Variants in DENND1A observed in about 807,000 individuals in gnomAD.
DENND1A encodes DENN domain containing 1A.
In DENND1A, 51 loss-of-function variants were observed where a neutral mutation model predicts 113.7. The ratio of observed to expected loss-of-function variants is 0.45; its 90% CI spans 0.36 to 0.57. DENND1A has a LOEUF of 0.57. Among genes scored for constraint, DENND1A ranks in the 20% least tolerant of loss-of-function variants. The probability of loss-of-function intolerance (pLI) is 0.00; values close to 1 mark genes in which losing one functional copy is unlikely to be tolerated. For synonymous variants in DENND1A, 565 were observed against 570.8 expected, an observed-to-expected ratio of 0.99 and a Z score of 0.14; for missense variants, 1,258 against 1,395.9, an observed-to-expected ratio of 0.90 and a Z score of 1.57.
intron 5 of DENND1A, among the ~76,000 whole-genome samples, chr9:123,721,689 A>G (rs2067352441): frequency 6.6e-6 from 1 of 152,190 alleles, no homozygotes. Context: ...TAATGGCTAT[A>G]AAAATGGGAG....
At chr9:123,483,918 T>G (rs371880148) in intron 13 of DENND1A, among the ~76,000 whole-genome samples, 4 of 152,210 alleles carry the variant, frequency 2.6e-5, no homozygotes, top group African/African-American at 7.2e-5. Flanking sequence ...TTAGTTTTTT[T>G]TGTGTTTTTT....
At chr9:123,633,330 C>T (rs59398032) in intron 9 of DENND1A, among the ~76,000 whole-genome samples, 7,672 of 152,264 alleles carry the variant, frequency 0.05, 241 homozygotes, top group South Asian at 0.082. Flanking sequence ...AACACACACA[C>T]GTGCACTAGT....
chr9:123,473,635 T>A (rs1386785530), intron 13 of DENND1A, among the ~76,000 whole-genome samples: 3 of 152,200 alleles, frequency 2.0e-5, no homozygotes, highest in African/African-American at 7.2e-5. Flanking sequence ...CACCCGTTCC[T>A]CTTGTGTAGG....
At chr9:123,631,593 A>C (rs2061477906) in intron 9 of DENND1A, among the ~76,000 whole-genome samples, 1 of 152,112 alleles carries the variant, frequency 6.6e-6, no homozygotes, top group Non-Finnish European at 1.5e-5. Flanking sequence ...AGTCCTCCAA[A>C]TTTTCCCCTA....
At chr9:123,745,320 C>A (rs576281909) in intron 5 of DENND1A, among the ~76,000 whole-genome samples, 1 of 152,140 alleles carries the variant, frequency 6.6e-6, no homozygotes, top group Non-Finnish European at 1.5e-5. Flanking sequence ...CCTCTGCAAA[C>A]GATGAGACCA....
At chr9:123,792,140 T>A (rs1564279445) in intron 3 of DENND1A, among the ~76,000 whole-genome samples, 1 of 152,206 alleles carries the variant, frequency 6.6e-6, no homozygotes, top group East Asian at 1.9e-4. Flanking sequence ...ACGTGCATCT[T>A]CTCCTTCCAA....
chr9:123,588,435 A>G (rs914945521), intron 11 of DENND1A, among the ~76,000 whole-genome samples: 51 of 151,642 alleles, frequency 3.4e-4, no homozygotes, highest in African/African-American at 1.1e-3. Flanking sequence ...CCTGGACAAC[A>G]TGGCGAAACC....
chr9:123,915,056 C>T (rs547772772), intron 1 of DENND1A, among the ~76,000 whole-genome samples: 44 of 152,134 alleles, frequency 2.9e-4, no homozygotes, highest in Non-Finnish European at 6.2e-4. Context: ...TAGAGGTTTC[C>T]ATCCTGCCAA....
At chr9:123,484,272 T>G (rs781246174) in intron 13 of DENND1A, among the ~76,000 whole-genome samples, 3 of 152,186 alleles carry the variant, frequency 2.0e-5, no homozygotes, top group Non-Finnish European at 2.9e-5. Context: ...ATCGCACCTC[T>G]AACACTGAGC....
intron 10 of DENND1A, among the ~76,000 whole-genome samples, chr9:123,620,213 CAAAAAAAAAAA>C (rs34196587): frequency 5.1e-5 from 3 of 59,052 alleles, no homozygotes; most frequent in South Asian, 6.9e-4. Flanking sequence ...GACTCCATCT[CAAAAAAAAAAA>C]AAAAAAAAAA....
intron 5 of DENND1A, among the ~76,000 whole-genome samples, chr9:123,720,926 C>G (rs896772097): frequency 6.6e-6 from 1 of 152,210 alleles, no homozygotes; most frequent in Non-Finnish European, 1.5e-5. Context: ...ATCCCATGAT[C>G]ATTTAAAAAG....
At chr9:123,471,810 C>A (rs6478618) in intron 13 of DENND1A, among the ~76,000 whole-genome samples, 18,984 of 152,172 alleles carry the variant, frequency 0.12, 1,376 homozygotes, top group African/African-American at 0.2. Flanking sequence ...TGAGCACGCT[C>A]AGTTACCCAA....
At chr9:123,784,496 C>T (rs895451322) in intron 3 of DENND1A, among the ~76,000 whole-genome samples, 5 of 152,066 alleles carry the variant, frequency 3.3e-5, no homozygotes, top group Non-Finnish European at 1.5e-5. Context: ...AAGGAGCAAC[C>T]GGGACTGATT....
intron 18 of DENND1A, among the ~76,000 whole-genome samples, chr9:123,442,621 A>G (rs1399951844): frequency 6.6e-6 from 1 of 152,200 alleles, no homozygotes; most frequent in Non-Finnish European, 1.5e-5. Context: ...TGAAGCTGCA[A>G]GGTAATATGG....
chr9:123,620,533 T>C lies in DENND1A; in HGVS notation c.719+9843A>G, dbSNP rs544655142. Among the ~76,000 whole-genome samples, 107 of 152,290 alleles carry C rather than the reference T, an allele frequency of 7.0e-4. 2 individuals are homozygous for C. Among genetic ancestry groups the C allele is most frequent in the Non-Finnish European group, 2.6e-4 (18 of 68,026 alleles). ...CTTTAGTAGGACCAGAGTCTAGGAT[T>C]TGGACCCAAGACTTTGACTTCCAAA... On this transcript the variant is annotated intron_variant, in intron 10 of 23. Transcript: ENST00000394215.
chr9:123,399,867 C>A (rs1172869197), intron 21 of DENND1A, among the ~76,000 whole-genome samples: 1 of 152,222 alleles, frequency 6.6e-6, no homozygotes, highest in Non-Finnish European at 1.5e-5. Flanking sequence ...AACTGGGTGA[C>A]CTTGGGAAGA....
chr9:123,868,350 C>A (rs1193619574), intron 2 of DENND1A, among the ~76,000 whole-genome samples: 2 of 152,162 alleles, frequency 1.3e-5, no homozygotes, highest in East Asian at 1.9e-4. Context: ...TCAGTTATGT[C>A]AATTTGATAA....
intron 3 of DENND1A, among the ~76,000 whole-genome samples, chr9:123,772,819 G>A (rs910922103): frequency 6.6e-6 from 1 of 152,064 alleles, no homozygotes; most frequent in Admixed American, 6.6e-5. Flanking sequence ...CTGGCTTTAG[G>A]ACATTCGCCA....
intron 20 of DENND1A, among the ~76,000 whole-genome samples, chr9:123,407,220 A>G (rs1203678004): frequency 6.6e-6 from 1 of 151,890 alleles, no homozygotes; most frequent in African/African-American, 2.4e-5. Flanking sequence ...AGGGAGAGAA[A>G]GACACGCCAG....
Sources: allele counts gnomAD v4.1 joint callset (sites outside exome capture counted in the v4.1 genomes callset), GRCh38; gene constraint gnomAD v4.1.1; transcripts MANE v1.5; gene names NCBI Gene and HGNC (gene_info 2026-07-23, HGNC 2026-07-21).